ST8SIA4: variants seen among roughly 807,000 people sequenced by gnomAD.
ST8SIA4 encodes the protein CMP-N-acetylneuraminate-poly-alpha-2,8-sialyltransferase.
In ST8SIA4, 15 loss-of-function variants were observed where a neutral mutation model predicts 33.9. That is an observed-to-expected ratio of 0.44 (90% confidence interval 0.30 to 0.68). ST8SIA4 has a LOEUF of 0.68. Ranked by LOEUF, ST8SIA4 falls within the 30% of genes least tolerant of loss-of-function variation. ST8SIA4 has a pLI of 0.10. For missense variants in ST8SIA4, 321 were observed against 428.0 expected (o/e 0.75, Z 2.21); for synonymous variants, 171 against 151.2 (o/e 1.13, Z -0.96).
intron 3 of ST8SIA4, among the ~76,000 whole-genome samples, chr5:100,859,150 T>C (rs1053280536): frequency 7.9e-5 from 12 of 152,076 alleles, no homozygotes; most frequent in Non-Finnish European, 1.6e-4. Flanking sequence ...GTAGACTTGT[T>C]GTGAGCATCC....
chr5:100,871,075 T>C (rs930938302), intron 3 of ST8SIA4, among the ~76,000 whole-genome samples: 3 of 152,138 alleles, frequency 2.0e-5, no homozygotes, highest in Non-Finnish European at 4.4e-5. Flanking sequence ...TGCTATTTGC[T>C]GTTTGAGTTA....
chr5:100,847,609 T>A (rs933839130), intron 4 of ST8SIA4, among the ~76,000 whole-genome samples: 3 of 152,148 alleles, frequency 2.0e-5, no homozygotes, highest in African/African-American at 7.2e-5. Flanking sequence ...ATGGATGATG[T>A]GTGAAAATAT....
chr5:100,857,391 TA>T lies in ST8SIA4; in HGVS notation c.504-996del, dbSNP rs202082921. Among the ~76,000 whole-genome samples the T allele has an allele frequency of 1.4e-3, 218 of 151,060 alleles. 1 individual carries two copies. Among genetic ancestry groups the T allele is most frequent in the Middle Eastern group, 3.4e-3 (1 of 290 alleles). On this transcript the variant is annotated intron_variant, in intron 3 of 4. Transcript: ENST00000231461. ...TTAAAAATAGCTTCATTTTTTTTTT[TA>T]AAAAAACTATTTTTAACTTGCTTTT...
At chr5:100,883,920 T>C (rs1752481995) in intron 3 of ST8SIA4, among the ~76,000 whole-genome samples, 1 of 152,168 alleles carries the variant, frequency 6.6e-6, no homozygotes, top group Non-Finnish European at 1.5e-5. Context: ...AATGGACTAA[T>C]ACACCACTTA....
chr5:100,849,931 G>A (rs1284488964), intron 4 of ST8SIA4, among the ~76,000 whole-genome samples: 2 of 152,098 alleles, frequency 1.3e-5, no homozygotes, highest in African/African-American at 4.8e-5. Context: ...AGTTTATGTA[G>A]CCCATTTATC....
intron 4 of ST8SIA4, among the ~76,000 whole-genome samples, chr5:100,829,796 T>C (rs921698831): frequency 2.0e-5 from 3 of 151,516 alleles, no homozygotes; most frequent in Admixed American, 2.0e-4. Context: ...CAGTCCCAGC[T>C]ACTCGGGAGG....
rs147532767 is a variant in ST8SIA4 at position 100,824,790 on chromosome 5, G to A, written c.798-12661C>T. On this transcript the variant is annotated intron_variant, in intron 4 of 4. Transcript: ENST00000231461. ...TAATAAGATCCTTAGGTCAGGCACA[G>A]TGGCTCATGCCTGCAATCCCATCAC... Among the ~76,000 whole-genome samples, 16 of 151,964 alleles carry A rather than the reference G, an allele frequency of 1.1e-4. No homozygotes were observed. The East Asian group carries it at 2.9e-3, about 28-fold the overall frequency.
At chr5:100,895,879 T>C in intron 1 of ST8SIA4, 94 bp from the exon 2 acceptor site, 1 of 1,308,730 alleles carries the variant, frequency 7.6e-7, no homozygotes, top group Non-Finnish European at 1.0e-6. Flanking sequence ...TGGTGATGAA[T>C]TTTAGATACT....
intron 3 of ST8SIA4, among the ~76,000 whole-genome samples, chr5:100,873,607 A>C (rs1271603796): frequency 6.6e-6 from 1 of 152,056 alleles, no homozygotes; most frequent in African/African-American, 2.4e-5. Context: ...GCAGGGCCAG[A>C]TTTTCTTGTT....
intron 2 of ST8SIA4, among the ~76,000 whole-genome samples, chr5:100,891,381 A>G (rs1752660324): frequency 6.6e-6 from 1 of 152,092 alleles, no homozygotes; most frequent in Admixed American, 6.6e-5. Flanking sequence ...ATGCCTACAA[A>G]AAAACAGAGA....
chr5:100,895,925 T>C (rs1752770666), intron 1 of ST8SIA4, 140 bp from the exon 2 acceptor site: 1 of 771,304 alleles, frequency 1.3e-6, no homozygotes, highest in Non-Finnish European at 2.0e-6. Flanking sequence ...TACGCAAGCA[T>C]GATGAAAGGT....
At chr5:100,852,896 T>G (rs558317844) in intron 4 of ST8SIA4, among the ~76,000 whole-genome samples, 1 of 152,340 alleles carries the variant, frequency 6.6e-6, no homozygotes, top group Non-Finnish European at 1.5e-5. Flanking sequence ...TCAGGAATCT[T>G]GTTTTACAAA....
intron 4 of ST8SIA4, among the ~76,000 whole-genome samples, chr5:100,844,189 C>T (rs765567246): frequency 7.2e-5 from 11 of 151,864 alleles, no homozygotes; most frequent in Non-Finnish European, 1.5e-4. Context: ...CAGGTGACAG[C>T]CCCAGCATAA....
In ST8SIA4 at chr5:100,818,106, T is replaced by C. The variant is rs562198029; in HGVS notation, c.798-5977A>G. On this transcript the variant is annotated intron_variant, in intron 4 of 4. Coordinates refer to ENST00000231461, the MANE Select transcript of ST8SIA4 (RefSeq NM_005668.6). ...TGGGAAAGAAAGGATAAATAATCAGTTGAAGGTCACAGAAATTGTAGGTGA... is the reference window on the plus strand; with the variant it reads ...TGGGAAAGAAAGGATAAATAATCAGCTGAAGGTCACAGAAATTGTAGGTGA... Among the ~76,000 whole-genome samples the C allele has an allele frequency of 1.9e-4, 29 of 152,270 alleles. No homozygotes were observed. In the South Asian group the frequency reaches 5.8e-3, roughly 30 times the overall value.
intron 4 of ST8SIA4, among the ~76,000 whole-genome samples, chr5:100,823,165 A>C (rs939164095): frequency 2.4e-5 from 3 of 125,906 alleles, no homozygotes; most frequent in African/African-American, 6.1e-5. Context: ...ACAAACAAAA[A>C]AACCCCACCA....
chr5:100,843,631 A>G (rs964413055), intron 4 of ST8SIA4, among the ~76,000 whole-genome samples: 1 of 151,942 alleles, frequency 6.6e-6, no homozygotes, highest in African/African-American at 2.4e-5. Context: ...AGGCATTTAC[A>G]CAATACAGAG....
chr5:100,832,222 T>G (rs1751278637), intron 4 of ST8SIA4, among the ~76,000 whole-genome samples: 1 of 152,104 alleles, frequency 6.6e-6, no homozygotes, highest in Non-Finnish European at 1.5e-5. Flanking sequence ...TTATTTTAGT[T>G]AAATCCATAT....
chr5:100,837,133 C>T (rs1377870729), intron 4 of ST8SIA4, among the ~76,000 whole-genome samples: 1 of 151,958 alleles, frequency 6.6e-6, no homozygotes, highest in Non-Finnish European at 1.5e-5. Context: ...TTTAGGGAGC[C>T]AGTGTTGAAC....
chr5:100,826,671 T>A (rs888493327), intron 4 of ST8SIA4, among the ~76,000 whole-genome samples: 6 of 152,120 alleles, frequency 3.9e-5, no homozygotes, highest in Non-Finnish European at 7.4e-5. Context: ...ATATACTTGT[T>A]AAATTAATGA....
Sources: allele counts gnomAD v4.1 joint callset (sites outside exome capture counted in the v4.1 genomes callset), GRCh38; gene constraint gnomAD v4.1.1; transcripts MANE v1.5; gene names NCBI Gene and HGNC (gene_info 2026-07-23, HGNC 2026-07-21).